Variants in HMX1 observed in about 807,000 individuals in gnomAD.
HMX1 encodes the protein H6 family homeobox 1, also known as homeobox protein HMX1.
In HMX1, 8 loss-of-function variants were observed where a neutral mutation model predicts 8.9. The ratio of observed to expected loss-of-function variants is 0.90; its 90% confidence interval spans 0.53 to 1.63. The LOEUF is 1.63. Among genes scored for constraint, HMX1 ranks in the 40% most tolerant of loss-of-function variants. HMX1 has a pLI of 0.00. For missense variants in HMX1, 621 were observed against 558.5 expected, an observed-to-expected ratio of 1.11 and a Z score of -1.13; for synonymous variants, 311 against 283.4, an observed-to-expected ratio of 1.10 and a Z score of -0.98.
At chr4:8,862,278 C>T (rs1052144358), downstream of HMX1, among the ~76,000 whole-genome samples, 1 of 152,220 alleles carries the variant, frequency 6.6e-6, no homozygotes, top group African/African-American at 2.4e-5. Context: ...AGTGAGACCC[C>T]GATTGGGCGT....
At chr4:8,859,188 G>GCCCC (rs1553815634) in intron 1 of HMX1, 3 of 147,304 alleles carry the variant, frequency 2.0e-5, no homozygotes, top group East Asian at 2.1e-4. Flanking sequence ...CTCCAAGGCT[G>GCCCC]GCCCCCCCCC....
intron 1 of HMX1, among the ~76,000 whole-genome samples, chr4:8,861,348 G>A (rs1721809178): frequency 6.6e-6 from 1 of 152,188 alleles, no homozygotes; most frequent in East Asian, 1.9e-4. Context: ...GCTGCGCCCC[G>A]GAGGCCGCGC....
rs1241005984 is a variant in HMX1 at position 8,867,114 on chromosome 4, G to C, written c.*579C>G. On this transcript the variant is annotated 3_prime_UTR_variant, in exon 2 of 2. Coordinates refer to ENST00000400677, the MANE Select transcript of HMX1 (RefSeq NM_018942.3). ...ATTCATTTAAAAAAACAACAACCCG[G>C]AGGCTGCGACGTCTGCAGAGAGCCC... 2.0e-6 allele frequency: 2 copies of C among 985,376 alleles called. No individual in the cohort carries two copies. Among genetic ancestry groups the C allele is most frequent in the African/African-American group, 1.7e-5 (1 of 57,260 alleles). 61.0% of individuals were successfully genotyped at this position (985,376 alleles called of 1,614,324 possible).
chr4:8,868,251 C>A lies in HMX1; in HGVS notation c.489G>T (p.Glu163Asp). 1 of 1,438,926 alleles carries A rather than the reference C, an allele frequency of 6.9e-7. No individual in the cohort carries two copies. The highest frequency in any genetic ancestry group is 1.5e-5 in the African/African-American group (1 of 67,066). The allele number at this position is 1,438,926 out of a possible 1,614,324, so 89.1% of individuals were successfully genotyped here. A position where few individuals can be genotyped will look rare whatever the true frequency, so the allele number is the denominator to read the frequency against. Reference protein sequence around the residue: ...RGPGPGAVQREAAELAARGPA... With the variant: ...RGPGPGAVQRDAAELAARGPA... ...GGCCACGCGCCGCCAGCTCCGCTGC[C>A]TCCCGCTGCACCGCTCCCGGCCCGG... The change falls in exon 2 of 2, where the codon GAG (glutamate) becomes GAT (aspartate). Residue 163 changes from glutamate (E) to aspartate (D), a missense_variant. Coordinates refer to ENST00000400677, the MANE Select transcript of HMX1 (RefSeq NM_018942.3). The surrounding 1 kb of genome is among the most constrained non-coding windows in gnomAD (Gnocchi z 4.6).
rs1721507076 is a variant in HMX1, at chr4:8,853,214, A to G, written c.395-6890T>C. Among the ~76,000 whole-genome samples the G allele has an allele frequency of 6.6e-6, 1 of 152,220 alleles. No homozygotes were observed. The highest frequency in any genetic ancestry group is 2.1e-4 in the South Asian group (1 of 4,830). ...AAAGTTTTGTTTGTTTCTCACAAACAAATAAATGAGTGAAGCTGGTAAACC... is the reference window on the plus strand; with the variant it reads ...AAAGTTTTGTTTGTTTCTCACAAACGAATAAATGAGTGAAGCTGGTAAACC... On this transcript the variant is annotated intron_variant, in intron 1 of 1. Transcript: ENST00000506970. The surrounding 1 kb of genome is among the most constrained non-coding windows in gnomAD (Gnocchi z 4.7).
chr4:8,861,194 G>A (rs956623556), intron 1 of HMX1, among the ~76,000 whole-genome samples: 1 of 152,182 alleles, frequency 6.6e-6, no homozygotes, highest in African/African-American at 2.4e-5. Flanking sequence ...TACCTGCTGG[G>A]AAGCGCAGGC....
rs1403006319 is a variant in HMX1, at chr4:8,871,369, C to G, written c.246G>C (p.Arg82=). ...LAGTGPGGEA[R]ARALLGPGAL... is the part of the protein sequence containing the mutation. ...CGCCCGGCCCGAGCAGCGCACGGGC[C>G]CGCGCCTCCCCGCCGGGCCCGGTGC... Residue 82 remains arginine, a synonymous_variant, in exon 1 of 2, where the codon CGG becomes CGC. Transcript: ENST00000400677. This position sits in a 1 kb window ranked among gnomAD's most constrained non-coding sequence, Gnocchi z 4.8. The G allele has an allele frequency of 3.0e-5, 37 of 1,239,214 alleles. No homozygotes were observed. The highest frequency in any genetic ancestry group is 3.7e-5 in the Non-Finnish European group (37 of 990,500). The allele number at this position is 1,239,214 out of a possible 1,614,324, so 76.8% of individuals were successfully genotyped here. A position where few individuals can be genotyped will look rare whatever the true frequency, so the allele number is the denominator to read the frequency against.
chr4:8,866,561 C>T (rs1032594961), downstream of HMX1, among the ~76,000 whole-genome samples: 2 of 152,256 alleles, frequency 1.3e-5, no homozygotes, highest in African/African-American at 4.8e-5. Flanking sequence ...CCACCTGAGT[C>T]CTCCAGCTGA....
intron 1 of HMX1, among the ~76,000 whole-genome samples, chr4:8,856,949 G>A (rs1208980562): frequency 6.6e-6 from 1 of 152,098 alleles, no homozygotes; most frequent in African/African-American, 2.4e-5. Flanking sequence ...AGCCGGGCGT[G>A]GTGGCCGCGC....
chr4:8,863,633 G>T (rs933238718), downstream of HMX1, among the ~76,000 whole-genome samples: 2 of 134,370 alleles, frequency 1.5e-5, no homozygotes, highest in African/African-American at 8.0e-5. Context: ...TGGAGCGCGC[G>T]GGGGAATCCA....
At chr4:8,865,308 A>G (rs1280603296), downstream of HMX1, among the ~76,000 whole-genome samples, 1 of 152,216 alleles carries the variant, frequency 6.6e-6, no homozygotes, top group Non-Finnish European at 1.5e-5. Flanking sequence ...CTGAGCTTCA[A>G]TGACCCCCTT....
chr4:8,861,901 G>A (rs1721838930), intron 1 of HMX1, among the ~76,000 whole-genome samples: 1 of 152,260 alleles, frequency 6.6e-6, no homozygotes, highest in South Asian at 2.1e-4. Context: ...CCAAGAGGAG[G>A]CCGCTGCGCG....
chr4:8,860,628 G>A (rs966876230), intron 1 of HMX1: 4 of 152,348 alleles, frequency 2.6e-5, no homozygotes, highest in African/African-American at 9.6e-5. Context: ...TAAGACGCAA[G>A]GCGGCCCGCC....
rs775671619 is a variant in HMX1 at position 8,867,873 on chromosome 4, G to A, written c.867C>T (p.Ser289=). 7.9e-6 allele frequency: 10 copies of A among 1,273,332 alleles called. No individual in the cohort carries two copies. The highest frequency in any genetic ancestry group is 5.5e-5 in the South Asian group (2 of 36,526). The allele number at this position is 1,273,332 out of a possible 1,614,324, so 78.9% of individuals were successfully genotyped here. Residue 289 remains serine (S), a synonymous_variant, in exon 2 of 2, where the codon AGC becomes AGT. Coordinates refer to ENST00000400677, the MANE Select transcript of HMX1 (RefSeq NM_018942.3). ...LVRVPVLYHE[S]PPAAAAAGPP... Reference sequence around the variant, plus strand: ...GCCCAGCGGCGGCTGCGGCCGGGGGGCTTTCGTGGTAGAGCACCGGCACGC... The same window carrying A: ...GCCCAGCGGCGGCTGCGGCCGGGGGACTTTCGTGGTAGAGCACCGGCACGC...
intron 1 of HMX1, among the ~76,000 whole-genome samples, chr4:8,856,390 T>C (rs1415489140): frequency 6.6e-6 from 1 of 152,132 alleles, no homozygotes; most frequent in African/African-American, 2.4e-5. Context: ...CTTCTGGTAG[T>C]GGTTTATGCT....
intron 1 of HMX1, among the ~76,000 whole-genome samples, chr4:8,869,137 G>C (rs1722128155): frequency 6.6e-6 from 1 of 152,216 alleles, no homozygotes; most frequent in Admixed American, 6.5e-5. Context: ...CAAGACTGGA[G>C]GTTCAGCCTC....
At position 8,851,185 on chromosome 4, in the gene HMX1, T is replaced by C. The variant is rs141162930; in HGVS notation, c.395-4861A>G. On this transcript the variant is annotated intron_variant, in intron 1 of 1. Transcript: ENST00000506970. ...CTCAAGCCTGAGGGCCCCCTTTGGT[T>C]TGGGGCCTTACAACACAGGAAGGAC... 8.6e-4 allele frequency among the ~76,000 whole-genome samples: 131 copies of C among 152,302 alleles called. 4 individuals are homozygous for C. The East Asian group carries it at 0.02, about 24-fold the overall frequency.
downstream of HMX1, among the ~76,000 whole-genome samples, chr4:8,864,305 G>A (rs1473342658): frequency 6.6e-6 from 1 of 152,220 alleles, no homozygotes; most frequent in Non-Finnish European, 1.5e-5. Flanking sequence ...GTATAGGCGT[G>A]TGTCCAGGAT....
rs1722167087 is a variant in HMX1 at position 8,870,227 on chromosome 4, T to G, written c.394+994A>C. On this transcript the variant is annotated intron_variant, in intron 1 of 1. Coordinates refer to ENST00000400677, the MANE Select transcript of HMX1 (RefSeq NM_018942.3). This position sits in a 1 kb window ranked among gnomAD's most constrained non-coding sequence, Gnocchi z 4.4. Reference sequence around the variant, plus strand: ...CAAGGTCCAAAGGCTGTGTTGGGGGTGGGGGGCTGGCTAAGCCAGGGCTTG... The same window carrying G: ...CAAGGTCCAAAGGCTGTGTTGGGGGGGGGGGGCTGGCTAAGCCAGGGCTTG... Among the ~76,000 whole-genome samples, 12 of 145,264 alleles carry G rather than the reference T, an allele frequency of 8.3e-5. No homozygotes were observed. The highest frequency in any genetic ancestry group is 4.6e-4 in the South Asian group (2 of 4,316).
Sources: allele counts gnomAD v4.1 joint callset (sites outside exome capture counted in the v4.1 genomes callset), GRCh38; gene constraint gnomAD v4.1.1; non-coding constraint Gnocchi (gnomAD v3.1); transcripts MANE v1.5; gene names NCBI Gene and HGNC (gene_info 2026-07-23, HGNC 2026-07-21).